The following ZSCAN5A variants were observed in gnomAD, a reference collection of about 807,000 sequenced individuals.
ZSCAN5A encodes the protein zinc finger and SCAN domain-containing protein 5A.
In ZSCAN5A, 12 loss-of-function variants were observed where a neutral mutation model predicts 23.7. The observed-to-expected ratio is 0.51, with a 90% CI of 0.32 to 0.82. ZSCAN5A has a LOEUF of 0.82. ZSCAN5A is among the 40% of genes least tolerant of loss of function. The pLI, the probability that ZSCAN5A is intolerant of heterozygous loss-of-function variation, is 0.03. For missense variants in ZSCAN5A, 597 were observed against 617.9 expected (o/e 0.97, Z 0.36); for synonymous variants, 257 against 239.9 (o/e 1.07, Z -0.66).
chr19:56,227,067 A>T (rs1192641913), intron 2 of ZSCAN5A, among the ~76,000 whole-genome samples: 1 of 152,226 alleles, frequency 6.6e-6, no homozygotes, highest in East Asian at 1.9e-4. Context: ...ACAAATTTCA[A>T]TTGAAGAAAT....
chr19:56,223,228 G>T (rs370737974), intron 4 of ZSCAN5A, among the ~76,000 whole-genome samples: 6 of 152,090 alleles, frequency 3.9e-5, no homozygotes, highest in African/African-American at 1.2e-4. Context: ...CCATGTGTCC[G>T]GAAAGGCAGA....
At chr19:56,249,012 C>T (rs1371221130) in intron 2 of ZSCAN5A, among the ~76,000 whole-genome samples, 1 of 151,934 alleles carries the variant, frequency 6.6e-6, no homozygotes, top group East Asian at 1.9e-4. Flanking sequence ...TTTTCACTGC[C>T]CCCCCCGAAT....
intron 2 of ZSCAN5A, among the ~76,000 whole-genome samples, chr19:56,239,478 A>T (rs1388783628): frequency 3.3e-5 from 5 of 152,088 alleles, no homozygotes; most frequent in Admixed American, 2.6e-4. Flanking sequence ...GAACCAGGGA[A>T]CCCTGTAGGA....
chr19:56,342,728 T>C (rs920025121), intron 2 of ZSCAN5A: 14 of 669,566 alleles, frequency 2.1e-5, no homozygotes, highest in Non-Finnish European at 3.9e-5. Context: ...ATTATATCTG[T>C]GTCCTCCCTG....
chr19:56,227,428 G>A (rs1161186315), intron 2 of ZSCAN5A, among the ~76,000 whole-genome samples: 1 of 152,234 alleles, frequency 6.6e-6, no homozygotes, highest in Non-Finnish European at 1.5e-5. Context: ...TCAGGAGGCA[G>A]AGGCGGAGGT....
chr19:56,363,992 T>G (rs2041749687), intron 1 of ZSCAN5A, among the ~76,000 whole-genome samples: 1 of 152,108 alleles, frequency 6.6e-6, no homozygotes. Context: ...GATAGAGAAA[T>G]TTGCATAAGT....
chr19:56,240,257 A>G (rs879337819), intron 2 of ZSCAN5A, among the ~76,000 whole-genome samples: 4 of 151,286 alleles, frequency 2.6e-5, no homozygotes, highest in African/African-American at 9.7e-5. Context: ...CTTCAGCAAT[A>G]TGACAAATAA....
chr19:56,241,403 G>GCT (rs961609364), intron 2 of ZSCAN5A, among the ~76,000 whole-genome samples: 6 of 152,054 alleles, frequency 3.9e-5, no homozygotes, highest in African/African-American at 7.2e-5. Context: ...AGAATTTTAG[G>GCT]CTCTCTTTTC....
At chr19:56,324,126 T>C (rs2041410637) in intron 2 of ZSCAN5A, among the ~76,000 whole-genome samples, 1 of 152,120 alleles carries the variant, frequency 6.6e-6, no homozygotes, top group South Asian at 2.1e-4. Context: ...CCTCTCTCCT[T>C]TCCCCCTCTA....
chr19:56,310,991 A>G (rs547799187), intron 2 of ZSCAN5A, among the ~76,000 whole-genome samples: 7 of 152,370 alleles, frequency 4.6e-5, no homozygotes, highest in African/African-American at 1.4e-4. Context: ...GGTTCATCAA[A>G]TAAGTTGGTT....
chr19:56,284,960 C>A, intron 2 of ZSCAN5A: 1 of 974,460 alleles, frequency 1.0e-6, no homozygotes, highest in Non-Finnish European at 1.2e-6. Context: ...TTTCTTTCTG[C>A]TGCATTTGCA....
intron 2 of ZSCAN5A, among the ~76,000 whole-genome samples, chr19:56,258,434 T>C (rs1376893718): frequency 2.3e-5 from 3 of 130,488 alleles, no homozygotes; most frequent in Non-Finnish European, 4.7e-5. Context: ...CGCCTTCCAG[T>C]GTGGGTGTTG....
chr19:56,247,007 C>A, intron 2 of ZSCAN5A: 3 of 1,124,098 alleles, frequency 2.7e-6, no homozygotes, highest in Non-Finnish European at 4.0e-6. Context: ...CCAGGCCCTG[C>A]AGGTGCAGTC....
intron 2 of ZSCAN5A, among the ~76,000 whole-genome samples, chr19:56,273,479 C>T (rs917656203): frequency 3.3e-5 from 3 of 90,002 alleles, no homozygotes; most frequent in Admixed American, 2.6e-4. Context: ...ATAGTTCTGT[C>T]TTCATGGAAT....
intron 2 of ZSCAN5A, among the ~76,000 whole-genome samples, chr19:56,300,671 A>G (rs1231284939): frequency 6.6e-6 from 1 of 152,260 alleles, no homozygotes; most frequent in African/African-American, 2.4e-5. Context: ...CAAAGGGGAC[A>G]AGGAGTAATC....
At chr19:56,247,381 G>A (rs950105750) in intron 2 of ZSCAN5A, 3 of 206,264 alleles carry the variant, frequency 1.5e-5, no homozygotes, top group South Asian at 9.2e-5. Flanking sequence ...CATCCACTCC[G>A]GAGAGAAACC....
intron 2 of ZSCAN5A, chr19:56,245,110 A>G (rs974898245): frequency 3.1e-6 from 1 of 319,556 alleles, no homozygotes; most frequent in African/African-American, 3.1e-5. Context: ...TGCATTGGGA[A>G]GGCAGATTTG....
intron 2 of ZSCAN5A, among the ~76,000 whole-genome samples, chr19:56,227,423 A>G (rs1283983298): frequency 6.6e-6 from 1 of 151,674 alleles, no homozygotes. Flanking sequence ...GCTGCTCAGG[A>G]GGCAGAGGCG....
chr19:56,236,451 A>G (rs368176316), intron 2 of ZSCAN5A, among the ~76,000 whole-genome samples: 9,461 of 32,506 alleles, frequency 0.29, 752 homozygotes, highest in Non-Finnish European at 0.33. Context: ...CTCCACTCCA[A>G]CCTCTGATGG....
Sources: gnomAD v4.1 joint callset for allele counts (sites outside exome capture counted in the v4.1 genomes callset) on GRCh38, gnomAD v4.1.1 for gene constraint, MANE v1.5 for transcripts, NCBI Gene and HGNC (gene_info 2026-07-23, HGNC 2026-07-21) for gene names.